The following DGKB variants were observed in gnomAD, a reference collection of about 807,000 sequenced individuals.
DGKB encodes the protein 90 kDa diacylglycerol kinase.
In DGKB, 67 loss-of-function variants were observed where a neutral mutation model predicts 114.3. The ratio of observed to expected loss-of-function variants is 0.59; its 90% CI spans 0.48 to 0.72. The LOEUF is 0.72. DGKB is among the 30% of genes least tolerant of loss of function. The pLI is 0.00. For synonymous variants in DGKB, 398 were observed against 323.1 expected, an observed-to-expected ratio of 1.23 and a Z score of -2.49; for missense variants, 907 against 975.2, an observed-to-expected ratio of 0.93 and a Z score of 0.93.
chr7:14,406,353 T>G (rs1560576), intron 21 of DGKB, among the ~76,000 whole-genome samples: 65,437 of 151,816 alleles, frequency 0.43, 15,150 homozygotes, highest in Middle Eastern at 0.57. Context: ...ACTACTTTAA[T>G]ACTTTGGGAA....
At chr7:14,677,530 A>G (rs986423414) in intron 12 of DGKB, among the ~76,000 whole-genome samples, 1 of 152,032 alleles carries the variant, frequency 6.6e-6, no homozygotes, top group Non-Finnish European at 1.5e-5. Flanking sequence ...ATATCATAGC[A>G]AAAGTTAGTA....
intron 20 of DGKB, among the ~76,000 whole-genome samples, chr7:14,518,968 G>T (rs916751484): frequency 2.0e-5 from 3 of 151,832 alleles, no homozygotes; most frequent in Non-Finnish European, 2.9e-5. Flanking sequence ...CTGTTCCAGG[G>T]GCCATACTTT....
At chr7:14,856,968 G>C (rs1294662478) in intron 1 of DGKB, among the ~76,000 whole-genome samples, 5 of 151,926 alleles carry the variant, frequency 3.3e-5, no homozygotes, top group African/African-American at 4.8e-5. Context: ...CTTGCATGTG[G>C]GTAAAACCTG....
intron 21 of DGKB, among the ~76,000 whole-genome samples, chr7:14,395,293 T>C (rs898438644): frequency 6.6e-6 from 1 of 152,090 alleles, no homozygotes; most frequent in Non-Finnish European, 1.5e-5. Context: ...TATCTCTTAC[T>C]CTCACCCTAC....
chr7:14,718,778 T>C (rs1345562303), intron 5 of DGKB, 93 bp from the exon 6 acceptor site: 2 of 931,024 alleles, frequency 2.1e-6, no homozygotes, highest in South Asian at 1.8e-5. Context: ...ACAGGCTACA[T>C]AGAAATTTAT....
chr7:14,191,855 C>A, intron 23 of DGKB: 1 of 499,780 alleles, frequency 2.0e-6, no homozygotes, highest in South Asian at 1.5e-5. Flanking sequence ...ACTGGATTGT[C>A]ACACAGTTCA....
chr7:14,263,863 T>A (rs1021679575), intron 23 of DGKB, among the ~76,000 whole-genome samples: 4 of 152,198 alleles, frequency 2.6e-5, no homozygotes, highest in African/African-American at 9.6e-5. Context: ...ACTGGAGGTT[T>A]ACACTGAAAC....
chr7:14,461,199 G>C (rs1833021785), intron 21 of DGKB, among the ~76,000 whole-genome samples: 1 of 152,090 alleles, frequency 6.6e-6, no homozygotes, highest in African/African-American at 2.4e-5. Flanking sequence ...CACTGGAGCA[G>C]CAAGAGCAAA....
chr7:14,274,719 C>G (rs547144771), intron 23 of DGKB, among the ~76,000 whole-genome samples: 62 of 151,902 alleles, frequency 4.1e-4, no homozygotes, highest in Non-Finnish European at 7.6e-4. Context: ...TGTTGGTTTG[C>G]GTACACTTTC....
intron 1 of DGKB, among the ~76,000 whole-genome samples, chr7:14,959,720 G>T (rs1471623207): frequency 1.3e-5 from 2 of 150,778 alleles, no homozygotes; most frequent in African/African-American, 2.4e-5. Flanking sequence ...TCTGTGGGGA[G>T]AAGTGAGTGA....
intron 17 of DGKB, among the ~76,000 whole-genome samples, chr7:14,583,590 T>G (rs2128728755): frequency 6.6e-6 from 1 of 152,326 alleles, no homozygotes; most frequent in East Asian, 1.9e-4. Context: ...AATGTTCTAC[T>G]TTCTCCATTA....
At chr7:14,525,681 T>C (rs550676166) in intron 20 of DGKB, among the ~76,000 whole-genome samples, 1 of 152,244 alleles carries the variant, frequency 6.6e-6, no homozygotes, top group South Asian at 2.1e-4. Flanking sequence ...TGACAAGTAG[T>C]CAAGATATGA....
chr7:14,965,482 C>A (rs1787096037), intron 1 of DGKB, among the ~76,000 whole-genome samples: 1 of 152,024 alleles, frequency 6.6e-6, no homozygotes, highest in Non-Finnish European at 1.5e-5. Flanking sequence ...ACTTGAGCAT[C>A]ATTTATAGCA....
upstream of DGKB, among the ~76,000 whole-genome samples, chr7:14,903,988 G>C (rs1485772578): frequency 2.0e-5 from 3 of 152,120 alleles, no homozygotes; most frequent in Non-Finnish European, 4.4e-5. Flanking sequence ...AAACCAACTT[G>C]ATTCTGTCTT....
chr7:14,183,233 T>G (rs1304215003), intron 23 of DGKB, among the ~76,000 whole-genome samples: 1 of 152,208 alleles, frequency 6.6e-6, no homozygotes, highest in East Asian at 1.9e-4. Flanking sequence ...ATGAAATCCA[T>G]TCACTAGAGT....
At position 14,148,505 on chromosome 7, in the gene DGKB, A is replaced by T. The variant is rs1358708800; in HGVS notation, c.*626T>A. 6.6e-6 allele frequency: 1 copy of T among 152,598 alleles called. No homozygotes were observed. The highest frequency in any genetic ancestry group is 6.6e-5 in the Admixed American group (1 of 15,262). The allele number at this position is 152,598 out of a possible 1,614,324, so 9.5% of individuals were successfully genotyped here. On this transcript the variant is annotated 3_prime_UTR_variant, in exon 26 of 26. Transcript: ENST00000402815. ...TAAAAAGAAAACTAAGCAAAATAAA[A>T]ACCGCGTTCTATTTTTCAGCATGAG...
At chr7:14,934,834 C>T (rs976201278) in intron 1 of DGKB, among the ~76,000 whole-genome samples, 1 of 152,148 alleles carries the variant, frequency 6.6e-6, no homozygotes, top group Non-Finnish European at 1.5e-5. Flanking sequence ...TTGATCTGTC[C>T]TTTGACATCT....
chr7:14,633,090 T>C (rs990834824), intron 13 of DGKB, among the ~76,000 whole-genome samples: 1 of 151,894 alleles, frequency 6.6e-6, no homozygotes, highest in Non-Finnish European at 1.5e-5. Flanking sequence ...TTGCAATTAA[T>C]TGGCAATTCA....
chr7:14,662,816 C>G (rs1264076298), intron 13 of DGKB, among the ~76,000 whole-genome samples: 1 of 151,286 alleles, frequency 6.6e-6, no homozygotes, highest in Non-Finnish European at 1.5e-5. Flanking sequence ...AATTGTAATT[C>G]TTCTTATATA....
Sources: allele counts gnomAD v4.1 joint callset (sites outside exome capture counted in the v4.1 genomes callset), GRCh38; gene constraint gnomAD v4.1.1; transcripts MANE v1.5; gene names NCBI Gene and HGNC (gene_info 2026-07-23, HGNC 2026-07-21).